The following CRELD1 variants were observed in gnomAD, a reference collection of about 807,000 sequenced individuals.
CRELD1 encodes the protein protein disulfide isomerase CRELD1.
CRELD1 carries 42 observed loss-of-function variants against 58.2 expected under a neutral mutation model. The ratio of observed to expected loss-of-function variants is 0.72; its 90% CI spans 0.56 to 0.93. CRELD1 has a LOEUF of 0.93. Ranked by LOEUF, CRELD1 falls within the 40% of genes least tolerant of loss-of-function variation. The probability of loss-of-function intolerance (pLI) is 0.00; values close to 1 mark genes in which losing one functional copy is unlikely to be tolerated. For synonymous variants in CRELD1, 222 were observed against 202.0 expected (o/e 1.10, Z -0.84); for missense variants, 500 against 540.6 (o/e 0.92, Z 0.74).
Position 9,942,307 on chromosome 3 carries a change from A to AT in CRELD1, c.734-497dup, listed in dbSNP as rs566239032. ...AAAAGAATCTAGAGGGTAGAGGTTT[A>AT]TTTTTTTTTATCATATTACAGTCCC... On this transcript the variant is annotated intron_variant, in intron 7 of 10. Coordinates refer to ENST00000452070, the MANE Select transcript of CRELD1 (RefSeq NM_001077415.3). Among the ~76,000 whole-genome samples, 56 of 150,564 alleles carry AT rather than the reference A, an allele frequency of 3.7e-4. 1 individual carries two copies. Among genetic ancestry groups the AT allele is most frequent in the East Asian group, 9.7e-4 (5 of 5,140 alleles).
chr3:9,936,551 GTATATATA>G (rs36230194), intron 3 of CRELD1, among the ~76,000 whole-genome samples: 17 of 148,474 alleles, frequency 1.1e-4, no homozygotes, highest in African/African-American at 3.7e-4. Flanking sequence ...ATATATATGC[GTATATATA>G]TATATATATG....
chr3:9,939,778 C>A (rs1035532355), intron 5 of CRELD1, among the ~76,000 whole-genome samples: 7 of 152,052 alleles, frequency 4.6e-5, no homozygotes, highest in Non-Finnish European at 1.0e-4. Context: ...GTGTTTTCCC[C>A]ACCTTTCCCC....
Position 9,943,177 on chromosome 3 carries a change from G to A in CRELD1, c.913+5G>A, listed in dbSNP as rs2085417080. 6.2e-7 allele frequency: 1 copy of A among 1,611,588 alleles called. No homozygotes were observed. Among genetic ancestry groups the A allele is most frequent in the Admixed American group, 1.7e-5 (1 of 60,016 alleles). Reference sequence around the variant, plus strand: ...AGGTGGGCTCCAAGTGTCTCGGTGAGTCTCCTGCTGATGGGACACAGGCAC... The same window carrying A: ...AGGTGGGCTCCAAGTGTCTCGGTGAATCTCCTGCTGATGGGACACAGGCAC... On this transcript the variant is annotated splice_donor_5th_base_variant and intron_variant, in intron 9 of 10. Coordinates refer to ENST00000452070, the MANE Select transcript of CRELD1 (RefSeq NM_001077415.3).
chr3:9,940,331 G>C (rs1239947889), intron 5 of CRELD1, among the ~76,000 whole-genome samples: 34 of 152,242 alleles, frequency 2.2e-4, no homozygotes, highest in South Asian at 8.3e-4. Flanking sequence ...GGGAGGTGGA[G>C]GTTGTAGCGA....
rs561120752 is a variant in CRELD1, at chr3:9,945,018, C to A, written c.*439C>A. 1 of 246,556 alleles carries A rather than the reference C, an allele frequency of 4.1e-6. No homozygotes were observed. Among genetic ancestry groups the A allele is most frequent in the African/African-American group, 2.2e-5 (1 of 45,226 alleles). 15.3% of individuals were successfully genotyped at this position (246,556 alleles called of 1,614,324 possible). ...TTCATCTCAGGAAATAAAGAAAGGT[C>A]TTGGAAAGTTAAAAGGCATCAGTCT... is the stretch of plus-strand genomic sequence containing the variant. On this transcript the variant is annotated 3_prime_UTR_variant, in exon 11 of 11. Transcript: ENST00000452070.
At chr3:9,940,027 C>T (rs1395304835) in intron 5 of CRELD1, among the ~76,000 whole-genome samples, 18 of 152,210 alleles carry the variant, frequency 1.2e-4, no homozygotes, top group African/African-American at 3.1e-4. Context: ...ACTTCCCAGA[C>T]GGGGCGGCTG....
chr3:9,935,975 A>C (rs781179344), intron 3 of CRELD1: 7 of 152,232 alleles, frequency 4.6e-5, no homozygotes, highest in Non-Finnish European at 8.8e-5. Context: ...TATATAGTCA[A>C]TATATGTAAT....
chr3:9,937,570 G>C lies in CRELD1; in HGVS notation c.266G>C (p.Arg89Pro). The C allele has an allele frequency of 1.2e-6, 2 of 1,610,544 alleles. No individual in the cohort carries two copies. The highest frequency in any genetic ancestry group is 1.7e-6 in the Non-Finnish European group (2 of 1,178,756). ...CTGCCCTGTCCGATCAGTGAGACCC[G>C]CCTGGTAGAGGTGCTGGAGGGTGTG... is the stretch of plus-strand genomic sequence containing the variant. ...NLSKYKDSET[R>P]LVEVLEGVCS... Residue 89 changes from arginine to proline, a missense_variant, in exon 4 of 11, where the codon CGC becomes CCC. Arg to Pro is a moderately radical substitution (Grantham distance 103). Transcript: ENST00000452070.
At chr3:9,936,471 ATG>A (rs549853350) in intron 3 of CRELD1, among the ~76,000 whole-genome samples, 9 of 151,958 alleles carry the variant, frequency 5.9e-5, no homozygotes, top group East Asian at 1.9e-4. Context: ...GTGTATATAT[ATG>A]TGTGTGTGTA....
At position 9,934,999 on chromosome 3, in the gene CRELD1, G is replaced by T. The variant is rs544264475; in HGVS notation, c.257+82G>T. On this transcript the variant is annotated intron_variant, in intron 3 of 10. Coordinates refer to ENST00000452070, the MANE Select transcript of CRELD1 (RefSeq NM_001077415.3). ...TGCTGGTGTAGGGCTAGGAACTCTT[G>T]GGGAGCACTTATTCATTCAACAAAT... The T allele has an allele frequency of 1.1e-3, 1,262 of 1,187,094 alleles. 2 individuals carry two copies. The highest frequency in any genetic ancestry group is 1.5e-3 in the Admixed American group (67 of 45,094). The allele number at this position is 1,187,094 out of a possible 1,614,324, so 73.5% of individuals were successfully genotyped here. A position where few individuals can be genotyped will look rare whatever the true frequency, so the allele number is the denominator to read the frequency against.
chr3:9,939,942 G>A (rs957129918), intron 5 of CRELD1, among the ~76,000 whole-genome samples: 1 of 151,796 alleles, frequency 6.6e-6, no homozygotes, highest in Non-Finnish European at 1.5e-5. Context: ...CCCGGACGGG[G>A]CGGCTGGCCG....
In CRELD1 at chr3:9,933,944, C is replaced by T. The variant is rs558421769; in HGVS notation, c.-20+24C>T. On this transcript the variant is annotated intron_variant, in intron 1 of 10. Coordinates refer to ENST00000452070, the MANE Select transcript of CRELD1 (RefSeq NM_001077415.3). ...GGGTCTGGATCCTTCTCTGCCGGCT[C>T]GTGGGCCGTGCCTTTGCCCTTCTGC... 445 of 356,394 alleles carry T rather than the reference C, an allele frequency of 1.2e-3. 1 individual carries two copies. The highest frequency in any genetic ancestry group is 1.9e-3 in the Non-Finnish European group (366 of 193,162). 22.1% of individuals were successfully genotyped at this position (356,394 alleles called of 1,614,324 possible).
intron 1 of CRELD1, 50 bp downstream of exon 1, chr3:9,933,970 G>A: frequency 3.0e-6 from 1 of 330,104 alleles, no homozygotes; most frequent in South Asian, 3.4e-5. Context: ...GCCCTTCTGC[G>A]AGGCCCTGAA....
chr3:9,939,852 C>T (rs965511021), intron 5 of CRELD1, among the ~76,000 whole-genome samples: 37 of 152,218 alleles, frequency 2.4e-4, no homozygotes, highest in Non-Finnish European at 4.6e-4. Flanking sequence ...GTTGGGTACA[C>T]CTCCCAGACG....
In CRELD1 at chr3:9,937,679, G is replaced by T; in HGVS notation, c.368+7G>T. ...AGAGCTGGTGGTTTCACAAGTGAGT[G>T]GCAAAGGGCCTTCCCTGGAAGTGGG... On this transcript the variant is annotated splice_region_variant and intron_variant, in intron 4 of 10. Transcript: ENST00000452070. The T allele has an allele frequency of 1.9e-6, 3 of 1,586,714 alleles. No individual in the cohort carries two copies. The highest frequency in any genetic ancestry group is 2.6e-6 in the Non-Finnish European group (3 of 1,162,448).
chr3:9,943,821 G>A, intron 10 of CRELD1: 22 of 1,613,064 alleles, frequency 1.4e-5, no homozygotes, highest in Non-Finnish European at 1.8e-5. Context: ...TAGGCCGGGG[G>A]TGTGGTGAGA....
rs754728781 is a variant in CRELD1 at position 9,943,439 on chromosome 3, C to G, written c.972C>G (p.Thr324=). 3 of 1,613,896 alleles carry G rather than the reference C, an allele frequency of 1.9e-6. No individual in the cohort carries two copies. Among genetic ancestry groups the G allele is most frequent in the Non-Finnish European group, 1.7e-6 (2 of 1,179,952 alleles). ...CPGENKQCEN[T]EGGYRCICAE... is the part of the protein sequence containing the mutation. ...GAGAGAACAAGCAGTGTGAAAACACCGAGGGCGGTTATCGCTGCATCTGTG... is the reference window on the plus strand; with the variant it reads ...GAGAGAACAAGCAGTGTGAAAACACGGAGGGCGGTTATCGCTGCATCTGTG... The change falls in exon 10 of 11, where the codon ACC becomes ACG. Residue 324 remains threonine, a synonymous_variant. Coordinates refer to ENST00000452070, the MANE Select transcript of CRELD1 (RefSeq NM_001077415.3).
chr3:9,939,247 T>C (rs1370493015), intron 5 of CRELD1, among the ~76,000 whole-genome samples: 1 of 152,226 alleles, frequency 6.6e-6, no homozygotes, highest in Non-Finnish European at 1.5e-5. Flanking sequence ...GTCAGTTTTA[T>C]GACAAAATAT....
chr3:9,937,630 T>C lies in CRELD1; in HGVS notation c.326T>C (p.Leu109Pro). Reference protein sequence around the residue: ...SKSDFECHRLLELSEELVESW... With the variant: ...SKSDFECHRLPELSEELVESW... ...TCAGACTTCGAGTGCCACCGCCTGCTGGAGCTGAGTGAGGAGCTGGTGGAG... is the reference window on the plus strand; with the variant it reads ...TCAGACTTCGAGTGCCACCGCCTGCCGGAGCTGAGTGAGGAGCTGGTGGAG... Residue 109 changes from leucine (L) to proline (P), a missense_variant, in exon 4 of 11, where the codon CTG (leucine) becomes CCG (proline). Physicochemically the swap from Leu to Pro is moderately conservative, Grantham distance 98. Transcript: ENST00000452070. 6.2e-7 allele frequency: 1 copy of C among 1,611,888 alleles called. No individual in the cohort carries two copies. The highest frequency in any genetic ancestry group is 8.5e-7 in the Non-Finnish European group (1 of 1,179,470).
Sources: gnomAD v4.1 joint callset for allele counts (sites outside exome capture counted in the v4.1 genomes callset) on GRCh38, gnomAD v4.1.1 for gene constraint, MANE v1.5 for transcripts, NCBI Gene and HGNC (gene_info 2026-07-23, HGNC 2026-07-21) for gene names.